Variants in PTPN14 observed in about 807,000 individuals in gnomAD.
PTPN14 encodes protein tyrosine phosphatase non-receptor type 14.
Under a neutral mutation model 126.8 loss-of-function variants are expected in PTPN14, and 53 were observed. The ratio of observed to expected loss-of-function variants is 0.42; its 90% CI spans 0.34 to 0.53. PTPN14 has a LOEUF of 0.53. PTPN14 is among the 20% of genes least tolerant of loss of function. The pLI is 0.08. For missense variants in PTPN14, 1,257 were observed against 1,552.9 expected (o/e 0.81, Z 3.20); for synonymous variants, 630 against 599.3 (o/e 1.05, Z -0.75).
intron 1 of PTPN14, among the ~76,000 whole-genome samples, chr1:214,540,454 C>T (rs1028224980): frequency 3.9e-5 from 6 of 152,272 alleles, no homozygotes; most frequent in Non-Finnish European, 7.4e-5. Flanking sequence ...AAACCTAATA[C>T]GGCATAATCC....
At chr1:214,373,546 C>T (rs531951189) in intron 15 of PTPN14, among the ~76,000 whole-genome samples, 7 of 143,784 alleles carry the variant, frequency 4.9e-5, no homozygotes, top group Non-Finnish European at 7.5e-5. Context: ...CTTTTCTAGT[C>T]GATTTCATTG....
At chr1:214,502,587 G>A (rs969227269) in intron 1 of PTPN14, among the ~76,000 whole-genome samples, 19 of 151,914 alleles carry the variant, frequency 1.3e-4, no homozygotes, top group Non-Finnish European at 2.6e-4. Context: ...TCATACTCCC[G>A]GTATCAAGTA....
intron 1 of PTPN14, among the ~76,000 whole-genome samples, chr1:214,501,868 G>A (rs762967472): frequency 6.6e-6 from 1 of 151,968 alleles, no homozygotes; most frequent in Non-Finnish European, 1.5e-5. Flanking sequence ...GACCATCCTG[G>A]CTAACACGGT....
intron 1 of PTPN14, among the ~76,000 whole-genome samples, chr1:214,539,034 A>G (rs1386444226): frequency 6.6e-6 from 1 of 152,230 alleles, no homozygotes; most frequent in Non-Finnish European, 1.5e-5. Flanking sequence ...TATGTGCTAC[A>G]AAACACAAAA....
At chr1:214,451,076 G>A (rs879370046) in intron 3 of PTPN14, among the ~76,000 whole-genome samples, 3 of 152,232 alleles carry the variant, frequency 2.0e-5, no homozygotes, top group African/African-American at 4.8e-5. Flanking sequence ...CTTCAAATTC[G>A]AAGTCTGATA....
chr1:214,365,491 A>C (rs1658060106), intron 17 of PTPN14, among the ~76,000 whole-genome samples: 1 of 152,204 alleles, frequency 6.6e-6, no homozygotes, highest in Admixed American at 6.5e-5. Context: ...AAACCCCCAA[A>C]ATGTAATTAA....
intron 17 of PTPN14, among the ~76,000 whole-genome samples, chr1:214,369,056 A>G (rs1658152802): frequency 6.6e-6 from 1 of 152,132 alleles, no homozygotes. Flanking sequence ...TCTGTCTCTG[A>G]CCTTGCCTAT....
intron 9 of PTPN14, 35 bp downstream of exon 9, chr1:214,394,864 T>A (rs987672659): frequency 1.9e-6 from 3 of 1,570,622 alleles, no homozygotes; most frequent in Non-Finnish European, 2.6e-6. Flanking sequence ...AGCCAGTGTC[T>A]TGTCAGACCC....
chr1:214,358,655 G>A (rs1161030111), intron 18 of PTPN14, among the ~76,000 whole-genome samples: 1 of 152,086 alleles, frequency 6.6e-6, no homozygotes, highest in East Asian at 1.9e-4. Flanking sequence ...CATGGGGTAT[G>A]AAATAACATT....
At chr1:214,438,731 A>G (rs748358793) in intron 3 of PTPN14, among the ~76,000 whole-genome samples, 13 of 152,114 alleles carry the variant, frequency 8.5e-5, no homozygotes, top group Non-Finnish European at 1.8e-4. Context: ...TTCTTCCCCT[A>G]TGTTTCTGGT....
chr1:214,408,920 G>C (rs565868466), intron 5 of PTPN14, among the ~76,000 whole-genome samples: 1 of 152,020 alleles, frequency 6.6e-6, no homozygotes, highest in South Asian at 2.1e-4. Context: ...GAGAGAGAGG[G>C]AAGCAAAGCA....
intron 4 of PTPN14, among the ~76,000 whole-genome samples, chr1:214,413,353 A>G (rs1305647092): frequency 6.6e-6 from 1 of 152,242 alleles, no homozygotes; most frequent in Non-Finnish European, 1.5e-5. Context: ...GTTTCCATCC[A>G]CAGAATTACA....
chr1:214,461,266 T>C (rs548016523), intron 2 of PTPN14, among the ~76,000 whole-genome samples: 1 of 152,344 alleles, frequency 6.6e-6, no homozygotes, highest in East Asian at 1.9e-4. Context: ...ACAAAATTTA[T>C]GATATACCTA....
intron 3 of PTPN14, among the ~76,000 whole-genome samples, chr1:214,447,857 G>C (rs952802544): frequency 7.2e-5 from 11 of 152,138 alleles, no homozygotes; most frequent in Non-Finnish European, 1.5e-4. Flanking sequence ...TTTTTTGTTA[G>C]TTTTTCTGAT....
At chr1:214,439,548 G>A (rs1456112683) in intron 3 of PTPN14, among the ~76,000 whole-genome samples, 1 of 152,140 alleles carries the variant, frequency 6.6e-6, no homozygotes, top group African/African-American at 2.4e-5. Flanking sequence ...CAAACGTCAG[G>A]CGAAATGTCT....
At chr1:214,546,760 T>C (rs1571663380) in intron 1 of PTPN14, among the ~76,000 whole-genome samples, 1 of 152,158 alleles carries the variant, frequency 6.6e-6, no homozygotes, top group Non-Finnish European at 1.5e-5. Context: ...TCAAACTAAT[T>C]GACGAGGCTC....
intron 3 of PTPN14, among the ~76,000 whole-genome samples, chr1:214,434,378 C>CTT (rs1283063948): frequency 6.6e-6 from 1 of 152,086 alleles, no homozygotes; most frequent in Admixed American, 6.5e-5. Context: ...TGGCCCAGGG[C>CTT]TGGCAGTGTC....
At chr1:214,410,443 C>G (rs973626711) in intron 5 of PTPN14, among the ~76,000 whole-genome samples, 5 of 151,962 alleles carry the variant, frequency 3.3e-5, no homozygotes, top group African/African-American at 1.2e-4. Context: ...GAGGTGTGTG[C>G]CACCAAGCCC....
chr1:214,423,324 C>G (rs574293605), intron 3 of PTPN14, among the ~76,000 whole-genome samples: 3 of 151,988 alleles, frequency 2.0e-5, no homozygotes, highest in South Asian at 4.1e-4. Flanking sequence ...GAGACTGTCT[C>G]CCCGCAACAC....
Sources: allele counts gnomAD v4.1 joint callset (sites outside exome capture counted in the v4.1 genomes callset), GRCh38; gene constraint gnomAD v4.1.1; transcripts MANE v1.5; gene names NCBI Gene and HGNC (gene_info 2026-07-23, HGNC 2026-07-21).